PHF21A: variants seen among roughly 807,000 people sequenced by gnomAD.
PHF21A encodes BHC80a.
A neutral mutation model predicts 82.5 loss-of-function variants in PHF21A; 11 were observed. The observed-to-expected ratio is 0.13, with a 90% CI of 0.08 to 0.22. PHF21A has a LOEUF of 0.22. Ranked by LOEUF, PHF21A falls within the 10% of genes least tolerant of loss-of-function variation. The probability of loss-of-function intolerance (pLI) is 1.00; values close to 1 mark genes in which losing one functional copy is unlikely to be tolerated. For synonymous variants in PHF21A, 297 were observed against 302.8 expected, an observed-to-expected ratio of 0.98 and a Z score of 0.20; for missense variants, 579 against 837.8, an observed-to-expected ratio of 0.69 and a Z score of 3.81.
At chr11:45,946,149 C>A in intron 14 of PHF21A, 146 bp from the exon 15 acceptor site, 1 of 1,582,560 alleles carries the variant, frequency 6.3e-7, no homozygotes. Context: ...ATTCAACAGT[C>A]CCAAAGGAAG....
intron 6 of PHF21A, among the ~76,000 whole-genome samples, chr11:46,030,443 A>G (rs1388178256): frequency 6.6e-6 from 1 of 152,192 alleles, no homozygotes; most frequent in African/African-American, 2.4e-5. Flanking sequence ...CTTTGAACCA[A>G]TGGGGGCTAA....
intron 6 of PHF21A, among the ~76,000 whole-genome samples, chr11:46,065,929 C>A (rs1361067600): frequency 2.6e-5 from 4 of 152,214 alleles, no homozygotes; most frequent in African/African-American, 9.6e-5. Context: ...AGAAGAGAAA[C>A]CACCTGACTA....
At chr11:46,035,719 G>T (rs1275233237) in intron 6 of PHF21A, among the ~76,000 whole-genome samples, 1 of 152,186 alleles carries the variant, frequency 6.6e-6, no homozygotes, top group African/African-American at 2.4e-5. Flanking sequence ...CACCAAGGTG[G>T]GGAGGAGAAC....
chr11:45,940,119 C>G (rs953133074), intron 15 of PHF21A, among the ~76,000 whole-genome samples: 1 of 152,076 alleles, frequency 6.6e-6, no homozygotes, highest in Non-Finnish European at 1.5e-5. Context: ...CTGTAATCCA[C>G]TAGGGTATCT....
chr11:45,966,975 C>G (rs964068034), intron 9 of PHF21A, among the ~76,000 whole-genome samples: 1 of 152,222 alleles, frequency 6.6e-6, no homozygotes, highest in South Asian at 2.1e-4. Flanking sequence ...ACGCTTTCCC[C>G]TTATGCATGA....
chr11:45,939,296 T>C (rs2089871197), intron 15 of PHF21A, among the ~76,000 whole-genome samples: 1 of 152,194 alleles, frequency 6.6e-6, no homozygotes, highest in Non-Finnish European at 1.5e-5. Flanking sequence ...TGTTTCACAA[T>C]ATGATACAAA....
chr11:45,934,133 G>A lies in PHF21A; in HGVS notation c.1881C>T (p.His627=), dbSNP rs763907329. The stretch of plus-strand genomic sequence containing the variant: ...CTACAGGTTTGGAGAGGTCGATGCC[G>A]TGGATGAGGCGAATCAGCTGTTTTA... ...EKVKQLIRLI[H]GIDLSKPVDS... Residue 627 remains histidine, a synonymous_variant, in exon 19 of 19, where the codon CAC becomes CAT. Transcript: ENST00000676320. 51 of 1,614,060 alleles carry A rather than the reference G, an allele frequency of 3.2e-5. No individual in the cohort carries two copies. The highest frequency in any genetic ancestry group is 6.7e-5 in the Admixed American group (4 of 60,008).
intron 6 of PHF21A, among the ~76,000 whole-genome samples, chr11:46,012,838 G>T (rs2095438171): frequency 6.6e-6 from 1 of 152,070 alleles, no homozygotes; most frequent in South Asian, 2.1e-4. Flanking sequence ...GCTCATGCTG[G>T]GATTTCTAAG....
intron 1 of PHF21A, among the ~76,000 whole-genome samples, chr11:46,115,560 G>A (rs1474043961): frequency 1.3e-5 from 2 of 151,958 alleles, no homozygotes; most frequent in Non-Finnish European, 2.9e-5. Context: ...ACATACACCT[G>A]AGAAAATTAA....
intron 16 of PHF21A, among the ~76,000 whole-genome samples, chr11:45,937,143 T>C (rs1565147158): frequency 6.6e-6 from 1 of 152,104 alleles, no homozygotes; most frequent in Non-Finnish European, 1.5e-5. Context: ...ATGAGGACAA[T>C]ATTACAAGGG....
chr11:45,976,683 A>C (rs914180077), intron 7 of PHF21A, among the ~76,000 whole-genome samples: 6 of 152,224 alleles, frequency 3.9e-5, no homozygotes, highest in African/African-American at 1.4e-4. Context: ...TTCTACAAAA[A>C]ATACAAAAAT....
chr11:46,115,637 G>A (rs2136126582), intron 1 of PHF21A, among the ~76,000 whole-genome samples: 1 of 152,192 alleles, frequency 6.6e-6, no homozygotes, highest in Admixed American at 6.5e-5. Flanking sequence ...CTCCTGAGAA[G>A]TCAACATAAA....
chr11:45,934,803 CT>C (rs945457785), intron 18 of PHF21A: 1 of 349,046 alleles, frequency 2.9e-6, no homozygotes, highest in African/African-American at 2.1e-5. Flanking sequence ...GACTTAGAGT[CT>C]TTTGCCCTTT....
chr11:45,993,850 G>A (rs924146677), intron 6 of PHF21A, among the ~76,000 whole-genome samples: 1 of 151,910 alleles, frequency 6.6e-6, no homozygotes, highest in African/African-American at 2.4e-5. Context: ...GGCAGCTGGC[G>A]AGATAGCTCT....
At chr11:46,068,957 T>G (rs2096626055) in intron 6 of PHF21A, among the ~76,000 whole-genome samples, 1 of 152,266 alleles carries the variant, frequency 6.6e-6, no homozygotes, top group South Asian at 2.1e-4. Context: ...AGTTACTCAA[T>G]CAAGCATCTC....
At chr11:46,007,498 G>C (rs140273453) in intron 6 of PHF21A, among the ~76,000 whole-genome samples, 8,880 of 152,080 alleles carry the variant, frequency 0.058, 329 homozygotes, top group South Asian at 0.092. Context: ...ATTTTTAGTA[G>C]AGATGGGGTT....
intron 6 of PHF21A, among the ~76,000 whole-genome samples, chr11:46,016,039 G>A (rs1344224993): frequency 6.6e-6 from 1 of 152,094 alleles, no homozygotes; most frequent in Non-Finnish European, 1.5e-5. Flanking sequence ...AATTGTATGT[G>A]CTATAGTTTT....
At chr11:46,022,791 CT>C (rs889373893) in intron 6 of PHF21A, among the ~76,000 whole-genome samples, 1 of 151,480 alleles carries the variant, frequency 6.6e-6, no homozygotes, top group African/African-American at 2.4e-5. Flanking sequence ...AGTTTCCTTT[CT>C]TTTTTTTTGA....
At chr11:46,049,531 G>A in intron 6 of PHF21A, 1 of 455,648 alleles carries the variant, frequency 2.2e-6, no homozygotes, top group Admixed American at 2.4e-5. Flanking sequence ...CAGAAGGTCA[G>A]GTAGAAGAGG....
Sources: allele counts gnomAD v4.1 joint callset (sites outside exome capture counted in the v4.1 genomes callset), GRCh38; gene constraint gnomAD v4.1.1; transcripts MANE v1.5; gene names NCBI Gene and HGNC (gene_info 2026-07-23, HGNC 2026-07-21).